TIMD4: variants seen among roughly 807,000 people sequenced by gnomAD.
The protein encoded by TIMD4 is T cell immunoglobulin and mucin domain containing 4.
Under a neutral mutation model 41.2 loss-of-function variants are expected in TIMD4, and 31 were observed. The observed-to-expected ratio is 0.75, with a 90% CI of 0.57 to 1.01. TIMD4 has a LOEUF of 1.01. Among genes scored for constraint, TIMD4 ranks in the 50% least tolerant of loss-of-function variants. The probability of loss-of-function intolerance (pLI) is 0.00; values close to 1 mark genes in which losing one functional copy is unlikely to be tolerated. For synonymous variants in TIMD4, 204 were observed against 177.1 expected (o/e 1.15, Z -1.21); for missense variants, 479 against 472.5 (o/e 1.01, Z -0.13).
intron 5 of TIMD4, among the ~76,000 whole-genome samples, chr5:156,939,677 T>C (rs58917312): frequency 0.033 from 4,989 of 152,230 alleles, 264 homozygotes; most frequent in African/African-American, 0.11. Context: ...AACCCACACA[T>C]TGACCCATTC....
intron 6 of TIMD4, among the ~76,000 whole-genome samples, chr5:156,925,423 C>T (rs567500072): frequency 6.6e-6 from 1 of 152,316 alleles, no homozygotes; most frequent in East Asian, 1.9e-4. Context: ...CATTCTGTAA[C>T]ACACAGAATC....
chr5:156,924,442 G>T, intron 6 of TIMD4: 1 of 483,146 alleles, frequency 2.1e-6, no homozygotes, highest in Non-Finnish European at 4.2e-6. Flanking sequence ...GCACCTGCTG[G>T]ATTTTTTCCA....
intron 5 of TIMD4, among the ~76,000 whole-genome samples, chr5:156,941,382 G>A (rs868595547): frequency 1.3e-5 from 2 of 151,990 alleles, no homozygotes; most frequent in African/African-American, 2.4e-5. Flanking sequence ...TTCTTTAGTC[G>A]ATCATACAAG....
At chr5:156,943,389 C>T (rs1422587100) in intron 5 of TIMD4, among the ~76,000 whole-genome samples, 1 of 152,070 alleles carries the variant, frequency 6.6e-6, no homozygotes, top group Non-Finnish European at 1.5e-5. Flanking sequence ...AAGGATAGAA[C>T]AAATAACTCA....
intron 5 of TIMD4, among the ~76,000 whole-genome samples, chr5:156,940,217 C>T (rs1472659789): frequency 6.6e-6 from 1 of 152,238 alleles, no homozygotes; most frequent in Non-Finnish European, 1.5e-5. Context: ...CTCGGCCTCC[C>T]GAGGTGCCGG....
intron 1 of TIMD4, among the ~76,000 whole-genome samples, chr5:156,960,932 C>A: frequency 6.6e-6 from 1 of 152,166 alleles, no homozygotes; most frequent in Admixed American, 6.5e-5. Context: ...CCAGAGGCTA[C>A]AAGGTAGCCA....
intron 5 of TIMD4, among the ~76,000 whole-genome samples, chr5:156,945,785 G>A (rs537491790): frequency 2.0e-5 from 3 of 152,306 alleles, no homozygotes; most frequent in African/African-American, 7.2e-5. Flanking sequence ...AAAGAGTGTA[G>A]AATCAGAGCT....
chr5:156,921,729 C>A (rs1759245639), intron 7 of TIMD4, among the ~76,000 whole-genome samples: 1 of 150,652 alleles, frequency 6.6e-6, no homozygotes, highest in South Asian at 2.1e-4. Context: ...GTTTTCCCAA[C>A]CAAAGAACAG....
At chr5:156,923,508 T>C (rs912523159) in intron 6 of TIMD4, among the ~76,000 whole-genome samples, 7 of 151,730 alleles carry the variant, frequency 4.6e-5, no homozygotes, top group African/African-American at 1.7e-4. Flanking sequence ...GTCTAGAGAA[T>C]CAAAAACCAA....
chr5:156,945,886 T>G (rs1759729780), intron 5 of TIMD4, among the ~76,000 whole-genome samples: 1 of 152,184 alleles, frequency 6.6e-6, no homozygotes, highest in African/African-American at 2.4e-5. Context: ...AGGGATTAAA[T>G]GAAGTGGCCC....
At chr5:156,960,655 C>T (rs1056438660) in intron 1 of TIMD4, among the ~76,000 whole-genome samples, 8 of 152,164 alleles carry the variant, frequency 5.3e-5, no homozygotes, top group African/African-American at 9.7e-5. Flanking sequence ...GATCCACCAA[C>T]CTCGGCCTCC....
At chr5:156,921,751 A>G (rs544865709) in intron 7 of TIMD4, among the ~76,000 whole-genome samples, 3 of 152,264 alleles carry the variant, frequency 2.0e-5, no homozygotes, top group African/African-American at 7.2e-5. Context: ...GAAAGTGAAC[A>G]AAGTAGGAAA....
At chr5:156,955,498 T>C (rs1021157908) in intron 1 of TIMD4, among the ~76,000 whole-genome samples, 2 of 151,960 alleles carry the variant, frequency 1.3e-5, no homozygotes. Context: ...CTACTAAAAA[T>C]ACAAAAAATT....
chr5:156,929,836 A>G (rs1002423794), intron 5 of TIMD4, among the ~76,000 whole-genome samples: 9 of 152,266 alleles, frequency 5.9e-5, no homozygotes, highest in Admixed American at 6.5e-5. Context: ...AAACAGGGGT[A>G]ACCAACCTAA....
chr5:156,954,701 C>T lies in TIMD4; in HGVS notation c.114G>A (p.Leu38=). The change falls in exon 2 of 9, where the codon TTG becomes TTA. Residue 38 remains leucine, a synonymous_variant. Transcript: ENST00000274532. ...GAGACCAGGATGAGTACAGACAGGG[C>T]AAAGTCACCCGGTGACCCAAAACCT... ...VTEVLGHRVT[L]PCLYSSWSHN... 6.2e-7 allele frequency: 1 copy of T among 1,614,040 alleles called. No individual in the cohort carries two copies.
intron 6 of TIMD4, among the ~76,000 whole-genome samples, chr5:156,925,151 A>G (rs961942484): frequency 1.3e-5 from 2 of 152,222 alleles, no homozygotes; most frequent in African/African-American, 4.8e-5. Context: ...TCTGTTAAAA[A>G]TATAAAAAAT....
chr5:156,940,456 A>G (rs1333733519), intron 5 of TIMD4, among the ~76,000 whole-genome samples: 1 of 100,010 alleles, frequency 1.0e-5, no homozygotes. Context: ...CCGGCCGCCC[A>G]GCCTGGGAAG....
At chr5:156,948,595 TGAAAACAAAA>T in intron 4 of TIMD4, 96 bp from the exon 5 acceptor site, 1 of 683,002 alleles carries the variant, frequency 1.5e-6, no homozygotes, top group Non-Finnish European at 2.2e-6. Flanking sequence ...CTTCTGTCAT[TGAAAACAAAA>T]CAAAACAAAA....
At chr5:156,955,576 TAC>T (rs1357311097) in intron 1 of TIMD4, among the ~76,000 whole-genome samples, 1 of 151,580 alleles carries the variant, frequency 6.6e-6, no homozygotes, top group Non-Finnish European at 1.5e-5. Flanking sequence ...GAATGGCATG[TAC>T]CAGGGAGGCA....
Sources: gnomAD v4.1 joint callset for allele counts (sites outside exome capture counted in the v4.1 genomes callset) on GRCh38, gnomAD v4.1.1 for gene constraint, MANE v1.5 for transcripts, NCBI Gene and HGNC (gene_info 2026-07-23, HGNC 2026-07-21) for gene names.